The following MAST4 variants were observed in gnomAD, a reference collection of about 807,000 sequenced individuals.
The protein encoded by MAST4 is microtubule associated serine/threonine kinase family member 4, also known as microtubule-associated serine/threonine-protein kinase 4.
A neutral mutation model predicts 162.7 loss-of-function variants in MAST4; 89 were observed. The ratio of observed to expected loss-of-function variants is 0.55; its 90% confidence interval spans 0.46 to 0.65. The LOEUF is 0.65. MAST4 is among the 30% of genes least tolerant of loss of function. The pLI is 0.00. For missense variants in MAST4, 3,153 were observed against 3,374.0 expected (o/e 0.93, Z 1.62); for synonymous variants, 1,479 against 1,361.1 (o/e 1.09, Z -1.91).
intron 3 of MAST4, among the ~76,000 whole-genome samples, chr5:66,816,197 T>C (rs1756709898): frequency 6.6e-6 from 1 of 152,214 alleles, no homozygotes; most frequent in Non-Finnish European, 1.5e-5. Context: ...GTAAACTTTC[T>C]TGAAACATTA....
chr5:66,902,055 T>C (rs1219941236), intron 4 of MAST4, among the ~76,000 whole-genome samples: 1 of 152,020 alleles, frequency 6.6e-6, no homozygotes, highest in Non-Finnish European at 1.5e-5. Context: ...AACACTCTCT[T>C]AGTTTATTTA....
chr5:66,607,818 A>G (rs1742988220), intron 1 of MAST4, among the ~76,000 whole-genome samples: 2 of 152,160 alleles, frequency 1.3e-5, no homozygotes, highest in African/African-American at 2.4e-5. Flanking sequence ...CTTAGTTTTC[A>G]TCACTCTATA....
At chr5:67,037,005 A>G (rs1405341570) in intron 4 of MAST4, among the ~76,000 whole-genome samples, 2 of 152,218 alleles carry the variant, frequency 1.3e-5, no homozygotes, top group East Asian at 3.8e-4. Context: ...AAATGTATGT[A>G]TAGGGGAGAT....
At chr5:66,855,209 C>G (rs1759589064) in intron 3 of MAST4, among the ~76,000 whole-genome samples, 1 of 152,048 alleles carries the variant, frequency 6.6e-6, no homozygotes, top group African/African-American at 2.4e-5. Flanking sequence ...GATGAGTGAG[C>G]TTTTGTGGGA....
intron 3 of MAST4, among the ~76,000 whole-genome samples, chr5:66,841,936 T>G (rs1304492469): frequency 5.3e-5 from 8 of 152,224 alleles, no homozygotes; most frequent in Non-Finnish European, 1.2e-4. Flanking sequence ...GGCCTTGTAC[T>G]TTTGACTTAA....
rs192738821 is a variant in MAST4, at chr5:66,744,548, T to C, written c.364-15161T>C. Among the ~76,000 whole-genome samples the C allele has an allele frequency of 4.1e-3, 629 of 152,318 alleles. 1 individual carries two copies. The highest frequency in any genetic ancestry group is 0.013 in the South Asian group (63 of 4,826). The stretch of plus-strand genomic sequence containing the variant: ...AATTGGCTCATAGTTGTGCAGGCTG[T>C]ACAGGAAACATGGCAGCTTCTGCTT... On this transcript the variant is annotated intron_variant, in intron 1 of 28. Coordinates refer to ENST00000403625, the MANE Select transcript of MAST4 (RefSeq NM_001164664.2).
rs1561511358 is a variant in MAST4 at position 66,993,116 on chromosome 5, A to G, written c.675-61288A>G. On this transcript the variant is annotated intron_variant, in intron 4 of 28. Transcript: ENST00000403625. Reference sequence around the variant, plus strand: ...GTTCATTTATTAATAAACCTTTTAAATATGCCTGAATATCATGGACTTTTT... The same window carrying G: ...GTTCATTTATTAATAAACCTTTTAAGTATGCCTGAATATCATGGACTTTTT... Among the ~76,000 whole-genome samples, 4 of 152,210 alleles carry G rather than the reference A, an allele frequency of 2.6e-5. No individual in the cohort carries two copies. In the South Asian group the frequency reaches 8.3e-4, roughly 32 times the overall value.
intron 1 of MAST4, among the ~76,000 whole-genome samples, chr5:66,707,578 T>G (rs923217330): frequency 6.6e-6 from 1 of 152,154 alleles, no homozygotes; most frequent in Admixed American, 6.5e-5. Context: ...TCTTAACATA[T>G]CCCTCTTTAT....
chr5:67,103,980 A>G (rs1462273984), intron 9 of MAST4, among the ~76,000 whole-genome samples: 1 of 152,228 alleles, frequency 6.6e-6, no homozygotes, highest in Non-Finnish European at 1.5e-5. Flanking sequence ...GATTTCACTT[A>G]TGTACCCTCA....
intron 14 of MAST4, among the ~76,000 whole-genome samples, chr5:67,124,130 A>G (rs1767908229): frequency 6.6e-6 from 1 of 152,128 alleles, no homozygotes; most frequent in Non-Finnish European, 1.5e-5. Flanking sequence ...TCAGTTCTGC[A>G]TGGTTGGGGA....
intron 12 of MAST4, among the ~76,000 whole-genome samples, chr5:67,117,373 T>A (rs902472868): frequency 4.6e-5 from 7 of 152,232 alleles, no homozygotes; most frequent in African/African-American, 1.7e-4. Flanking sequence ...TATTCCAGAA[T>A]CTAGAATTTA....
At chr5:66,834,339 G>A (rs1757810098) in intron 3 of MAST4, among the ~76,000 whole-genome samples, 1 of 152,164 alleles carries the variant, frequency 6.6e-6, no homozygotes, top group African/African-American at 2.4e-5. Context: ...GACAGGACCT[G>A]TGACCTTAGG....
At chr5:67,108,239 T>G (rs1765812222) in intron 10 of MAST4, among the ~76,000 whole-genome samples, 1 of 152,226 alleles carries the variant, frequency 6.6e-6, no homozygotes, top group African/African-American at 2.4e-5. Context: ...ATCCAAAATG[T>G]GTTTAGGCTT....
chr5:66,788,734 C>T lies in MAST4; in HGVS notation c.582C>T (p.Asn194=), dbSNP rs746959468. The T allele has an allele frequency of 1.9e-6, 3 of 1,613,168 alleles. No homozygotes were observed. The highest frequency in any genetic ancestry group is 1.3e-5 in the African/African-American group (1 of 74,918). The change falls in exon 3 of 29, where the codon AAC becomes AAT. Residue 194 remains asparagine (N), a synonymous_variant. Coordinates refer to ENST00000403625, the MANE Select transcript of MAST4 (RefSeq NM_001164664.2). ...GGCCGGCCTCTGCAGAGACGTCCAA[C>T]CTCGTGCGCATGCGCAGCCAGGCCC... ...QAWPASAETS[N]LVRMRSQALG...
chr5:67,076,422 G>T (rs1188485299), intron 5 of MAST4, among the ~76,000 whole-genome samples: 1 of 152,074 alleles, frequency 6.6e-6, no homozygotes, highest in African/African-American at 2.4e-5. Context: ...CTCTCCATCT[G>T]ATTGTGTCCT....
chr5:66,882,937 T>C (rs1394928266), intron 3 of MAST4, among the ~76,000 whole-genome samples: 4 of 152,244 alleles, frequency 2.6e-5, no homozygotes, highest in Non-Finnish European at 1.5e-5. Flanking sequence ...CAAAAACTCC[T>C]ATTTCTGAGA....
chr5:67,021,960 C>T (rs1754038742), intron 4 of MAST4, among the ~76,000 whole-genome samples: 1 of 152,114 alleles, frequency 6.6e-6, no homozygotes, highest in South Asian at 2.1e-4. Context: ...TTGTAAAGTT[C>T]TCCTTGATTC....
At chr5:67,158,808 G>A (rs1241409856) in intron 26 of MAST4, among the ~76,000 whole-genome samples, 2 of 152,182 alleles carry the variant, frequency 1.3e-5, no homozygotes, top group Non-Finnish European at 2.9e-5. Context: ...GCCAACGCAG[G>A]CAGATCGCCT....
intron 1 of MAST4, among the ~76,000 whole-genome samples, chr5:66,671,280 G>A (rs756025752): frequency 2.0e-5 from 3 of 152,140 alleles, no homozygotes; most frequent in Admixed American, 6.5e-5. Flanking sequence ...TGGAGACCTC[G>A]TCTTCCCATT....
Sources: allele counts gnomAD v4.1 joint callset (sites outside exome capture counted in the v4.1 genomes callset), GRCh38; gene constraint gnomAD v4.1.1; transcripts MANE v1.5; gene names NCBI Gene and HGNC (gene_info 2026-07-23, HGNC 2026-07-21).